RPS6KC1: variants seen among roughly 807,000 people sequenced by gnomAD.
RPS6KC1 encodes inactive ribosomal protein S6 kinase delta-1.
In RPS6KC1, 54 loss-of-function variants were observed where a neutral mutation model predicts 103.8. The observed-to-expected ratio is 0.52, with a 90% CI of 0.42 to 0.65. The LOEUF is 0.65. Ranked by LOEUF, RPS6KC1 falls within the 30% of genes least tolerant of loss-of-function variation. The probability of loss-of-function intolerance (pLI) is 0.00; values close to 1 mark genes in which losing one functional copy is unlikely to be tolerated. For synonymous variants in RPS6KC1, 439 were observed against 438.7 expected (o/e 1.00, Z -0.01); for missense variants, 1,151 against 1,253.8 (o/e 0.92, Z 1.24).
chr1:213,060,429 T>TA (rs1372327006), intron 1 of RPS6KC1, among the ~76,000 whole-genome samples: 1 of 152,232 alleles, frequency 6.6e-6, no homozygotes, highest in Non-Finnish European at 1.5e-5. Context: ...TGTTGTAAAA[T>TA]ATATTTATGC....
the RPS6KC1 span, among the ~76,000 whole-genome samples, chr1:213,714,280 C>A: frequency 6.6e-6 from 1 of 152,110 alleles, no homozygotes; most frequent in Non-Finnish European, 1.5e-5. Flanking sequence ...GATGTTAGCA[C>A]TTGTTGTTAT....
the RPS6KC1 span, among the ~76,000 whole-genome samples, chr1:213,598,999 C>A: frequency 6.6e-6 from 1 of 151,850 alleles, no homozygotes; most frequent in Non-Finnish European, 1.5e-5. Flanking sequence ...AGATATCTGG[C>A]ATAAAATGTA....
chr1:213,172,274 C>A (rs1217832264), intron 7 of RPS6KC1, among the ~76,000 whole-genome samples: 2 of 152,026 alleles, frequency 1.3e-5, no homozygotes, highest in East Asian at 3.9e-4. Context: ...AGGCTGAACA[C>A]CAACTTCAAA....
At chr1:213,432,363 C>T in the RPS6KC1 span, among the ~76,000 whole-genome samples, 1 of 152,162 alleles carries the variant, frequency 6.6e-6, no homozygotes, top group African/African-American at 2.4e-5. Context: ...TACTTATATT[C>T]AGCATTATAA....
chr1:213,395,258 C>T, the RPS6KC1 span, among the ~76,000 whole-genome samples: 4 of 152,148 alleles, frequency 2.6e-5, no homozygotes, highest in African/African-American at 9.7e-5. Flanking sequence ...TATCCAGCTG[C>T]AGGGTTCTCC....
chr1:213,659,109 T>C, the RPS6KC1 span, among the ~76,000 whole-genome samples: 3 of 152,010 alleles, frequency 2.0e-5, no homozygotes, highest in African/African-American at 7.2e-5. Context: ...GGATTACAGG[T>C]GCCTGCCATG....
rs116627855 is a variant in RPS6KC1, at chr1:213,141,819, G to A, written c.835+11930G>A. Among the ~76,000 whole-genome samples, 1,075 of 151,494 alleles carry A rather than the reference G, an allele frequency of 7.1e-3. 19 individuals carry two copies. The highest frequency in any genetic ancestry group is 0.025 in the African/African-American group (1,018 of 41,358). ...TATGTCCCAGAAATTCTAGTATGTC[G>A]TATCTTTTTTTTTTTCTTTTTTCAT... On this transcript the variant is annotated intron_variant, in intron 6 of 14. Coordinates refer to ENST00000366960, the MANE Select transcript of RPS6KC1 (RefSeq NM_012424.6).
At chr1:213,800,264 G>C in the RPS6KC1 span, among the ~76,000 whole-genome samples, 1 of 152,170 alleles carries the variant, frequency 6.6e-6, no homozygotes, top group East Asian at 1.9e-4. Context: ...GATGGTGTTC[G>C]AGAAGAGGCA....
chr1:213,544,855 T>C, the RPS6KC1 span, among the ~76,000 whole-genome samples: 1 of 152,096 alleles, frequency 6.6e-6, no homozygotes, highest in African/African-American at 2.4e-5. Context: ...AGTCTTTCTG[T>C]CTCCAAAGAG....
Position 213,203,036 on chromosome 1 carries a change from A to T in RPS6KC1, c.1044+26544A>T, listed in dbSNP as rs952831757. Among the ~76,000 whole-genome samples the T allele has an allele frequency of 2.0e-5, 3 of 152,058 alleles. No individual in the cohort carries two copies. In the East Asian group the frequency reaches 5.8e-4, roughly 29 times the overall value. On this transcript the variant is annotated intron_variant, in intron 8 of 14. Coordinates refer to ENST00000366960, the MANE Select transcript of RPS6KC1 (RefSeq NM_012424.6). ...GTATATTTTTTCAGAGTTGGAGATTATGGGTCAAACAGTATATATGCACAT... is the reference window on the plus strand; with the variant it reads ...GTATATTTTTTCAGAGTTGGAGATTTTGGGTCAAACAGTATATATGCACAT...
the RPS6KC1 span, among the ~76,000 whole-genome samples, chr1:213,465,658 T>C: frequency 6.6e-6 from 1 of 152,200 alleles, no homozygotes; most frequent in Non-Finnish European, 1.5e-5. Flanking sequence ...ATTTTTTTAA[T>C]TAAAGAAATA....
chr1:213,152,065 C>A (rs1377421667), intron 6 of RPS6KC1, among the ~76,000 whole-genome samples: 24 of 142,572 alleles, frequency 1.7e-4, no homozygotes, highest in African/African-American at 6.1e-4. Flanking sequence ...CTAACCCCCC[C>A]ACCTCCCTCC....
the RPS6KC1 span, among the ~76,000 whole-genome samples, chr1:213,564,115 A>T: frequency 6.6e-6 from 1 of 151,886 alleles, no homozygotes; most frequent in Non-Finnish European, 1.5e-5. Context: ...ACTTACCTAT[A>T]TGTTGCATAT....
chr1:213,060,958 G>T (rs991846219), intron 1 of RPS6KC1, among the ~76,000 whole-genome samples: 1 of 151,868 alleles, frequency 6.6e-6, no homozygotes, highest in African/African-American at 2.4e-5. Flanking sequence ...TCTGAAGGCT[G>T]CAGGCTGGGA....
At chr1:213,238,226 A>T (rs1452505410) in intron 10 of RPS6KC1, among the ~76,000 whole-genome samples, 1 of 152,170 alleles carries the variant, frequency 6.6e-6, no homozygotes, top group Non-Finnish European at 1.5e-5. Context: ...CAGTTAAGGG[A>T]TACAAAGAAA....
chr1:213,790,858 T>A, the RPS6KC1 span, among the ~76,000 whole-genome samples: 1 of 152,164 alleles, frequency 6.6e-6, no homozygotes, highest in African/African-American at 2.4e-5. Flanking sequence ...CTGAGGAGTA[T>A]CTTCTATTTG....
chr1:213,543,501 A>T, the RPS6KC1 span, among the ~76,000 whole-genome samples: 1 of 152,200 alleles, frequency 6.6e-6, no homozygotes, highest in Admixed American at 6.5e-5. Context: ...GGGAGGAAGT[A>T]TTCAGATTGA....
At chr1:213,218,798 T>C (rs921888475) in intron 8 of RPS6KC1, among the ~76,000 whole-genome samples, 6 of 152,186 alleles carry the variant, frequency 3.9e-5, no homozygotes, top group African/African-American at 1.4e-4. Context: ...TAAATGGTGC[T>C]GGGAAAACTG....
the RPS6KC1 span, among the ~76,000 whole-genome samples, chr1:213,778,485 A>G: frequency 5.9e-5 from 9 of 152,286 alleles, 1 homozygote; most frequent in South Asian, 1.7e-3. Flanking sequence ...GGCTCTAAAA[A>G]TTGGATTGAA....
Sources: gnomAD v4.1 joint callset for allele counts (sites outside exome capture counted in the v4.1 genomes callset) on GRCh38, gnomAD v4.1.1 for gene constraint, MANE v1.5 for transcripts, NCBI Gene and HGNC (gene_info 2026-07-23, HGNC 2026-07-21) for gene names.